The following CDH18 variants were observed in gnomAD, a reference collection of about 807,000 sequenced individuals.
CDH18 encodes cadherin-18.
CDH18 carries 31 observed loss-of-function variants against 67.9 expected under a neutral mutation model. The ratio of observed to expected loss-of-function variants is 0.46; its 90% CI spans 0.34 to 0.62. The LOEUF (loss-of-function observed/expected upper bound fraction) is 0.62. Among genes scored for constraint, CDH18 ranks in the 20% least tolerant of loss-of-function variants. The pLI, the probability that CDH18 is intolerant of heterozygous loss-of-function variation, is 0.01. For synonymous variants in CDH18, 362 were observed against 347.2 expected (o/e 1.04, Z -0.48); for missense variants, 890 against 975.5 (o/e 0.91, Z 1.17).
chr5:19,875,423 G>GATAGATAGATCGATCGATCT (rs1332395534), intron 2 of CDH18, among the ~76,000 whole-genome samples: 5 of 149,796 alleles, frequency 3.3e-5, no homozygotes, highest in Admixed American at 1.3e-4. Context: ...TAGATAGATA[G>GATAGATAGATCGATCGATCT]ATAGATAGAT....
At chr5:19,499,758 T>A (rs1163092310) in intron 11 of CDH18, among the ~76,000 whole-genome samples, 1 of 152,136 alleles carries the variant, frequency 6.6e-6, no homozygotes, top group Admixed American at 6.6e-5. Context: ...TCTTTTAAAT[T>A]TTTGGTTCTC....
intron 2 of CDH18, among the ~76,000 whole-genome samples, chr5:20,039,313 T>C (rs972097896): frequency 3.9e-5 from 6 of 152,070 alleles, no homozygotes; most frequent in African/African-American, 1.2e-4. Flanking sequence ...CAAGCTACCA[T>C]TGACTTTCTT....
rs535035840 is a variant in CDH18, at chr5:19,722,045, G to C, written c.524-579C>G. Reference sequence around the variant, plus strand: ...ACTGGTCTCCTTTTTTTGTCCATTTGTTTTTGTTTGTTTGTTTCTGAGACA... The same window carrying C: ...ACTGGTCTCCTTTTTTTGTCCATTTCTTTTTGTTTGTTTGTTTCTGAGACA... On this transcript the variant is annotated intron_variant, in intron 4 of 12. Coordinates refer to ENST00000382275, the MANE Select transcript of CDH18 (RefSeq NM_004934.5). 5.9e-5 allele frequency among the ~76,000 whole-genome samples: 9 copies of C among 151,864 alleles called. No homozygotes were observed. The South Asian group carries it at 1.9e-3, about 32-fold the overall frequency.
intron 1 of CDH18, among the ~76,000 whole-genome samples, chr5:20,433,529 G>T (rs1748938388): frequency 6.6e-6 from 1 of 152,026 alleles, no homozygotes; most frequent in South Asian, 2.1e-4. Context: ...AAGAGGAGTA[G>T]TTGGTGTTGT....
intron 2 of CDH18, among the ~76,000 whole-genome samples, chr5:20,177,767 T>C (rs555149118): frequency 3.9e-4 from 60 of 152,190 alleles, no homozygotes; most frequent in Non-Finnish European, 6.5e-4. Context: ...CCCATACTGA[T>C]CTCAGGGTAG....
chr5:19,856,620 A>T (rs1784310661), intron 2 of CDH18, among the ~76,000 whole-genome samples: 1 of 152,166 alleles, frequency 6.6e-6, no homozygotes, highest in Non-Finnish European at 1.5e-5. Context: ...TATCAAGTTA[A>T]AATGAGGCTG....
At chr5:20,118,314 T>C (rs1220018309) in intron 2 of CDH18, among the ~76,000 whole-genome samples, 1 of 152,162 alleles carries the variant, frequency 6.6e-6, no homozygotes, top group African/African-American at 2.4e-5. Context: ...ATCAAAATTA[T>C]AAAAGCATCT....
At chr5:19,663,074 C>A (rs1757406971) in intron 5 of CDH18, among the ~76,000 whole-genome samples, 1 of 151,872 alleles carries the variant, frequency 6.6e-6, no homozygotes. Context: ...TAACAACGTT[C>A]TTTTTTCCCC....
chr5:20,382,002 G>C (rs1743947312), intron 1 of CDH18, among the ~76,000 whole-genome samples: 1 of 151,908 alleles, frequency 6.6e-6, no homozygotes, highest in Admixed American at 6.6e-5. Flanking sequence ...TTAATTTTTT[G>C]CCAGTCTATG....
At chr5:19,695,737 T>C (rs781390186) in intron 5 of CDH18, among the ~76,000 whole-genome samples, 2 of 152,186 alleles carry the variant, frequency 1.3e-5, no homozygotes, top group Non-Finnish European at 2.9e-5. Flanking sequence ...CAGAATTTAT[T>C]GCAAGCACTA....
At chr5:19,913,279 G>A (rs188803484) in intron 2 of CDH18, among the ~76,000 whole-genome samples, 2 of 152,012 alleles carry the variant, frequency 1.3e-5, no homozygotes, top group East Asian at 3.9e-4. Flanking sequence ...TCTCATATAT[G>A]TTTTTCTCTA....
intron 2 of CDH18, among the ~76,000 whole-genome samples, chr5:20,149,457 G>A (rs892074667): frequency 3.9e-5 from 6 of 151,958 alleles, no homozygotes; most frequent in Admixed American, 1.3e-4. Context: ...GAGTGATATC[G>A]GACAGGGTAG....
chr5:19,488,936 T>C (rs752972073), intron 11 of CDH18, among the ~76,000 whole-genome samples: 7 of 152,132 alleles, frequency 4.6e-5, no homozygotes, highest in Non-Finnish European at 1.0e-4. Context: ...GCAAACATCC[T>C]TGTGGCCTTA....
chr5:20,317,240 T>C lies in CDH18; in HGVS notation c.-579-61735A>G, dbSNP rs185789429. On this transcript the variant is annotated intron_variant, in intron 1 of 14. Coordinates refer to the CDH18 transcript ENST00000507958. ...GCAAATGTCAGAGCAGAACAAATTCTAGGTAAAGCATAAGTCTTTGCTGAC... is the reference window on the plus strand; with the variant it reads ...GCAAATGTCAGAGCAGAACAAATTCCAGGTAAAGCATAAGTCTTTGCTGAC... 3.2e-4 allele frequency among the ~76,000 whole-genome samples: 49 copies of C among 152,182 alleles called. No individual in the cohort carries two copies. The South Asian group carries it at 9.3e-3, about 29-fold the overall frequency.
chr5:20,082,821 C>T (rs1186466278), intron 2 of CDH18, among the ~76,000 whole-genome samples: 1 of 152,116 alleles, frequency 6.6e-6, no homozygotes, highest in Non-Finnish European at 1.5e-5. Flanking sequence ...TGTTATCTGC[C>T]AGTCAAGAAA....
intron 2 of CDH18, among the ~76,000 whole-genome samples, chr5:19,947,642 A>C (rs925581400): frequency 6.7e-6 from 1 of 148,182 alleles, no homozygotes. Context: ...CTGCGCCTGC[A>C]CTCCCAGCTA....
intron 7 of CDH18, among the ~76,000 whole-genome samples, chr5:19,585,942 C>T (rs951408226): frequency 6.6e-6 from 1 of 152,076 alleles, no homozygotes; most frequent in Non-Finnish European, 1.5e-5. Flanking sequence ...CACCCCAATT[C>T]AGTTTTCTGT....
intron 6 of CDH18, among the ~76,000 whole-genome samples, chr5:19,593,697 TCCTCCTCCTC>T (rs1745606737): frequency 8.3e-5 from 3 of 36,312 alleles, no homozygotes; most frequent in South Asian, 1.3e-3. Flanking sequence ...CTCTTCCTCT[TCCTCCTCCTC>T]CTTCTTCTTC....
intron 2 of CDH18, among the ~76,000 whole-genome samples, chr5:20,000,715 G>A (rs535591558): frequency 1.3e-5 from 2 of 152,094 alleles, no homozygotes; most frequent in South Asian, 4.2e-4. Flanking sequence ...AGCCCCTAAT[G>A]GATGAGAGGA....
Sources: gnomAD v4.1 joint callset for allele counts (sites outside exome capture counted in the v4.1 genomes callset) on GRCh38, gnomAD v4.1.1 for gene constraint, MANE v1.5 for transcripts, NCBI Gene and HGNC (gene_info 2026-07-23, HGNC 2026-07-21) for gene names.